The following UTRN variants were observed in gnomAD, a reference collection of about 807,000 sequenced individuals.
The protein encoded by UTRN is dystrophin-related protein 1.
A neutral mutation model predicts 463.9 loss-of-function variants in UTRN; 283 were observed. That is an observed-to-expected ratio of 0.61 (90% CI 0.55 to 0.67). The LOEUF is 0.67. UTRN is among the 30% of genes least tolerant of loss of function. The pLI is 0.00. For missense variants in UTRN, 3,922 were observed against 4,084.3 expected (o/e 0.96, Z 1.08); for synonymous variants, 1,442 against 1,431.5 (o/e 1.01, Z -0.17).
Position 144,488,763 on chromosome 6 carries a change from G to A in UTRN, c.4063G>A (p.Glu1355Lys). The A allele has an allele frequency of 1.2e-6, 2 of 1,612,962 alleles. No individual in the cohort carries two copies. The highest frequency in any genetic ancestry group is 1.7e-6 in the Non-Finnish European group (2 of 1,179,318). ...TCAAGTCTTGCAAGAGAGCTTGGGG[G>A]AGCTGGACAAACAGCTCACCACATA... ...MLQVLQESLG[E>K]LDKQLTTYLT... is the part of the protein sequence containing the mutation. The change falls in exon 30 of 75, where the codon GAG becomes AAG. Residue 1355 changes from glutamate (E) to lysine (K), a missense_variant. Glu to Lys is a moderately conservative substitution (Grantham distance 56, BLOSUM62 1). Around this residue, in one of 3 missense-constraint regions of UTRN, gnomAD observed 2,349 missense variants for 2,303.8 expected, o/e 1.02. Transcript: ENST00000367545.
At chr6:144,616,552 A>T (rs1806125883) in intron 51 of UTRN, among the ~76,000 whole-genome samples, 1 of 151,612 alleles carries the variant, frequency 6.6e-6, no homozygotes, top group African/African-American at 2.4e-5. Flanking sequence ...TTTTTTTGAA[A>T]AGCCCTTTTT....
intron 39 of UTRN, among the ~76,000 whole-genome samples, chr6:144,520,198 T>C (rs144653802): frequency 7.2e-4 from 109 of 152,354 alleles, no homozygotes; most frequent in African/African-American, 2.1e-3. Flanking sequence ...AATACTTTCA[T>C]TGGGCTATTT....
rs374187135 is a variant in UTRN, at chr6:144,473,679, G to A, written c.3067-41G>A. On this transcript the variant is annotated intron_variant, in intron 23 of 74. Coordinates refer to ENST00000367545, the MANE Select transcript of UTRN (RefSeq NM_007124.3). ...GATCTTGAGATGTAGTAGGCTGAACGTCACGAAGTAATATCCCCCTCTGTT... is the reference window on the plus strand; with the variant it reads ...GATCTTGAGATGTAGTAGGCTGAACATCACGAAGTAATATCCCCCTCTGTT... 1.9e-5 allele frequency: 30 copies of A among 1,551,336 alleles called. No homozygotes were observed. The African/African-American group carries it at 2.6e-4, about 13-fold the overall frequency.
At chr6:144,398,006 G>A (rs777536706) in intron 2 of UTRN, 1 of 226,564 alleles carries the variant, frequency 4.4e-6, no homozygotes, top group African/African-American at 2.3e-5. Flanking sequence ...AAGACTGGCA[G>A]CATTGCCTGC....
At position 144,286,846 on chromosome 6, in the gene UTRN, G is replaced by A. The variant is rs1246086215; in HGVS notation, c.-93+1025G>A. 2.0e-5 allele frequency among the ~76,000 whole-genome samples: 3 copies of A among 152,002 alleles called. No homozygotes were observed. Among genetic ancestry groups the A allele is most frequent in the Non-Finnish European group, 1.5e-5 (1 of 68,002 alleles). On this transcript the variant is annotated intron_variant, in intron 1 of 74. Transcript: ENST00000367545. This position sits in a 1 kb window ranked among gnomAD's most constrained non-coding sequence, Gnocchi z 4.4. ...GCTCGGGTTCTAACTCCACGGCCCC[G>A]CTCTCTGAGGTGTTCAGGACAGGGC...
rs557270489 is a variant in UTRN, at chr6:144,836,687, C to G, written c.10065+146C>G. The G allele has an allele frequency of 4.1e-4, 527 of 1,286,480 alleles. 1 individual carries two copies. The highest frequency in any genetic ancestry group is 2.5e-3 in the Middle Eastern group (9 of 3,548). The allele number at this position is 1,286,480 out of a possible 1,614,324, so 79.7% of individuals were successfully genotyped here. On this transcript the variant is annotated intron_variant, in intron 71 of 74. Transcript: ENST00000367545. ...TTAATTCAGACTGGCTTAGAAATTT[C>G]CTTTTACATGTAAGCATATAAATCC...
In UTRN at chr6:144,793,824, C is replaced by G. The variant is rs1430024748; in HGVS notation, c.8921-10C>G. On this transcript the variant is annotated splice_polypyrimidine_tract_variant and intron_variant, in intron 62 of 74. Transcript: ENST00000367545. ...ACAGATGAAAGTTAACCTCTTGCCT[C>G]TCTTTGCAGATCTCTTTAAGGAAGT... The G allele has an allele frequency of 1.4e-5, 23 of 1,612,592 alleles. No homozygotes were observed. The highest frequency in any genetic ancestry group is 2.0e-5 in the Non-Finnish European group (23 of 1,179,208).
At chr6:144,754,338 A>G (rs1182554227) in intron 56 of UTRN, among the ~76,000 whole-genome samples, 1 of 152,204 alleles carries the variant, frequency 6.6e-6, no homozygotes, top group African/African-American at 2.4e-5. Context: ...CTGTATGACC[A>G]GAATACGAAC....
chr6:144,440,853 G>A (rs934977248), intron 13 of UTRN, among the ~76,000 whole-genome samples: 1 of 152,236 alleles, frequency 6.6e-6, no homozygotes, highest in African/African-American at 2.4e-5. Flanking sequence ...CACAATCATG[G>A]TGGAAGGGAA....
intron 52 of UTRN, among the ~76,000 whole-genome samples, chr6:144,694,283 GT>G (rs1454511243): frequency 7.0e-6 from 1 of 141,910 alleles, no homozygotes; most frequent in African/African-American, 2.5e-5. Context: ...GCTGGATTCG[GT>G]TTGCCAGTGT....
intron 20 of UTRN, 69 bp downstream of exon 20, chr6:144,459,080 G>A (rs760409791): frequency 3.3e-5 from 52 of 1,562,710 alleles, no homozygotes; most frequent in Non-Finnish European, 4.2e-5. Flanking sequence ...AGGGCTTCTC[G>A]TATCATGAAC....
rs182598252 is a variant in UTRN at position 144,395,528 on chromosome 6, A to G, written c.80-7595A>G. On this transcript the variant is annotated intron_variant, in intron 2 of 74. Transcript: ENST00000367545. The stretch of plus-strand genomic sequence containing the variant: ...CGCTCTAGAAAGTGCAAGTAGAAAA[A>G]CATTATCTCCTATATTCCTATGCAT... Among the ~76,000 whole-genome samples the G allele has an allele frequency of 2.0e-5, 3 of 152,262 alleles. No individual in the cohort carries two copies. The East Asian group carries it at 5.8e-4, about 29-fold the overall frequency.
intron 58 of UTRN, among the ~76,000 whole-genome samples, chr6:144,764,544 G>A (rs1296479602): frequency 1.3e-5 from 2 of 152,166 alleles, no homozygotes; most frequent in African/African-American, 4.8e-5. Flanking sequence ...AAGGGATGCA[G>A]TTAGTAAAGT....
chr6:144,326,461 T>A (rs1584290230), intron 2 of UTRN, among the ~76,000 whole-genome samples: 1 of 152,202 alleles, frequency 6.6e-6, no homozygotes, highest in East Asian at 1.9e-4. Flanking sequence ...TGGCTGTAAA[T>A]ATCCAAATTA....
At chr6:144,768,351 T>G (rs1793590784) in intron 58 of UTRN, among the ~76,000 whole-genome samples, 1 of 152,184 alleles carries the variant, frequency 6.6e-6, no homozygotes, top group Admixed American at 6.5e-5. Flanking sequence ...TTATCCCAGC[T>G]GGGGCTCTTC....
chr6:144,799,496 G>T (rs1777531985), intron 64 of UTRN: 1 of 471,558 alleles, frequency 2.1e-6, no homozygotes, highest in Admixed American at 2.3e-5. Flanking sequence ...TTTAAATGCA[G>T]CAGGGTTCTT....
intron 52 of UTRN, among the ~76,000 whole-genome samples, chr6:144,684,184 G>A (rs1184297597): frequency 1.3e-5 from 2 of 151,714 alleles, no homozygotes; most frequent in African/African-American, 4.8e-5. Flanking sequence ...CAAGTAGCTG[G>A]GATTACAGGT....
chr6:144,565,558 T>C (rs1800327685), intron 50 of UTRN, among the ~76,000 whole-genome samples: 1 of 152,136 alleles, frequency 6.6e-6, no homozygotes, highest in African/African-American at 2.4e-5. Context: ...AGAAAAAATT[T>C]CCAATGAAGT....
intron 2 of UTRN, among the ~76,000 whole-genome samples, chr6:144,400,647 T>C (rs1782861160): frequency 6.6e-6 from 1 of 152,116 alleles, no homozygotes; most frequent in South Asian, 2.1e-4. Context: ...AAAAGGAAAA[T>C]GCAAACTAGT....
Sources: allele counts gnomAD v4.1 joint callset (sites outside exome capture counted in the v4.1 genomes callset), GRCh38; gene constraint gnomAD v4.1.1; regional missense constraint gnomAD v4.1.1; non-coding constraint Gnocchi (gnomAD v3.1); transcripts MANE v1.5; gene names NCBI Gene and HGNC (gene_info 2026-07-23, HGNC 2026-07-21).